The following KIF13A variants were observed in gnomAD, a reference collection of about 807,000 sequenced individuals.
KIF13A encodes the protein kinesin-like protein KIF13A.
A neutral mutation model predicts 212.2 loss-of-function variants in KIF13A; 79 were observed. The observed-to-expected ratio is 0.37, with a 90% confidence interval of 0.31 to 0.45. The LOEUF (loss-of-function observed/expected upper bound fraction) is 0.45, where lower values mean the gene tolerates loss of function less well. Ranked by LOEUF, KIF13A falls within the 20% of genes least tolerant of loss-of-function variation. The pLI is 1.00. For synonymous variants in KIF13A, 789 were observed against 808.6 expected (o/e 0.98, Z 0.41); for missense variants, 1,901 against 2,209.0 (o/e 0.86, Z 2.79).
intron 2 of KIF13A, among the ~76,000 whole-genome samples, chr6:17,910,602 A>T (rs1171657337): frequency 3.3e-5 from 5 of 152,230 alleles, no homozygotes; most frequent in Admixed American, 1.3e-4. Flanking sequence ...TTGTCAAAAA[A>T]TTTTTTAAAT....
chr6:17,929,472 C>T (rs1477336529), intron 2 of KIF13A, among the ~76,000 whole-genome samples: 1 of 150,956 alleles, frequency 6.6e-6, no homozygotes, highest in Non-Finnish European at 1.5e-5. Context: ...ACGATCTTGG[C>T]TCACTGCAAG....
intron 3 of KIF13A, among the ~76,000 whole-genome samples, chr6:17,879,970 T>A (rs879881226): frequency 1.2e-4 from 19 of 152,208 alleles, no homozygotes; most frequent in Non-Finnish European, 2.5e-4. Context: ...TCTAATTTTT[T>A]AAAAACTTTA....
chr6:17,880,397 C>T (rs900725873), intron 3 of KIF13A, among the ~76,000 whole-genome samples: 24 of 152,108 alleles, frequency 1.6e-4, no homozygotes, highest in African/African-American at 5.8e-4. Context: ...GAGGCCAAGG[C>T]GGGCGGATCA....
In KIF13A at chr6:17,912,282, T is replaced by C. The variant is rs1774144666; in HGVS notation, c.147-14102A>G. Among the ~76,000 whole-genome samples, 1 of 152,150 alleles carries C rather than the reference T, an allele frequency of 6.6e-6. No homozygotes were observed. The highest frequency in any genetic ancestry group is 2.4e-5 in the African/African-American group (1 of 41,408). On this transcript the variant is annotated intron_variant, in intron 2 of 38. Coordinates refer to ENST00000259711, the MANE Select transcript of KIF13A (RefSeq NM_022113.6). The surrounding 1 kb of genome is among the most constrained non-coding windows in gnomAD (Gnocchi z 4.2). The stretch of plus-strand genomic sequence containing the variant: ...TTAAAAAAAAAATACAAGCTTTCTT[T>C]TGCAACTGAGGTACCATCACTTGAT...
At chr6:17,874,907 G>T (rs886762223) in intron 3 of KIF13A, among the ~76,000 whole-genome samples, 12 of 123,878 alleles carry the variant, frequency 9.7e-5, no homozygotes, top group African/African-American at 3.1e-4. Flanking sequence ...TAGAACAATA[G>T]TCTCCAATCT....
chr6:17,932,398 G>A (rs1267693076), intron 2 of KIF13A, among the ~76,000 whole-genome samples: 2 of 152,144 alleles, frequency 1.3e-5, no homozygotes, highest in African/African-American at 4.8e-5. Flanking sequence ...ATTGCTGGCT[G>A]AATAAACAAG....
chr6:17,788,729 T>TC (rs1464771563), intron 26 of KIF13A, among the ~76,000 whole-genome samples: 1 of 151,498 alleles, frequency 6.6e-6, no homozygotes, highest in East Asian at 1.9e-4. Flanking sequence ...TGTACCCACA[T>TC]TTTTTTTTCC....
chr6:17,836,854 C>T (rs746225534), intron 11 of KIF13A, 24 bp downstream of exon 11: 5 of 1,606,072 alleles, frequency 3.1e-6, no homozygotes, highest in Non-Finnish European at 4.3e-6. Flanking sequence ...ACTTTACCAG[C>T]AGGGAGTACC....
Position 17,775,015 on chromosome 6 carries a change from CT to C in KIF13A, c.4217del (p.Lys1406ArgfsTer20). The C allele has an allele frequency of 6.2e-7, 1 of 1,610,412 alleles. No homozygotes were observed. Among genetic ancestry groups the C allele is most frequent in the Non-Finnish European group, 8.5e-7 (1 of 1,178,052 alleles). On this transcript the variant is annotated frameshift_variant and splice_region_variant, in exon 35 of 39. Transcript: ENST00000259711. LOFTEE classifies it high-confidence loss of function. The stretch of plus-strand genomic sequence containing the variant: ...CCTAGCCATGCCCATAGGTGCATAC[CT>C]TGTCATCTTCATCAAAGCCAGAAAG... ...PDLSGFDEDD[K>X]GWPENQLDMS...
At chr6:17,760,740 C>G, downstream of KIF13A, 1 of 1,042,984 alleles carries the variant, frequency 9.6e-7, no homozygotes, top group South Asian at 1.3e-5. Context: ...TCTCCAGCTT[C>G]TGGTCTGAGG....
chr6:17,874,482 C>T (rs535610911), intron 3 of KIF13A, among the ~76,000 whole-genome samples: 1 of 152,134 alleles, frequency 6.6e-6, no homozygotes, highest in East Asian at 1.9e-4. Flanking sequence ...GTTGCCCAGG[C>T]TGGAGTGCAG....
chr6:17,932,849 A>T (rs945036865), intron 2 of KIF13A, among the ~76,000 whole-genome samples: 3 of 151,916 alleles, frequency 2.0e-5, no homozygotes, highest in Non-Finnish European at 4.4e-5. Context: ...TCCCATGGAG[A>T]TTTTGCTTAA....
intron 4 of KIF13A, among the ~76,000 whole-genome samples, chr6:17,866,441 T>C (rs1769377560): frequency 6.6e-6 from 1 of 152,076 alleles, no homozygotes; most frequent in African/African-American, 2.4e-5. Context: ...GTAGAATCCA[T>C]AAAATTTTCA....
Position 17,895,626 on chromosome 6 carries a change from T to C in KIF13A, c.159+2542A>G, listed in dbSNP as rs892694305. 6.6e-6 allele frequency among the ~76,000 whole-genome samples: 1 copy of C among 152,230 alleles called. No individual in the cohort carries two copies. The highest frequency in any genetic ancestry group is 2.1e-4 in the South Asian group (1 of 4,838). On this transcript the variant is annotated intron_variant, in intron 3 of 38. Transcript: ENST00000259711. The surrounding 1 kb of genome is among the most constrained non-coding windows in gnomAD (Gnocchi z 4.4). The stretch of plus-strand genomic sequence containing the variant: ...GCAAGGACTCCACCTCTGGAAGGAC[T>C]TGAACTCCAGTACTTTGTCCTCCTC...
intron 3 of KIF13A, among the ~76,000 whole-genome samples, chr6:17,891,165 A>G (rs1772019055): frequency 6.6e-6 from 1 of 152,192 alleles, no homozygotes; most frequent in Non-Finnish European, 1.5e-5. Context: ...AAAGAAACAA[A>G]ACACACTTCC....
chr6:17,882,102 G>A (rs1338820468), intron 3 of KIF13A: 4 of 456,556 alleles, frequency 8.8e-6, no homozygotes, highest in Admixed American at 7.0e-5. Flanking sequence ...CCATAAAAAC[G>A]AGATGTGAAG....
intron 3 of KIF13A, among the ~76,000 whole-genome samples, chr6:17,885,527 G>A (rs542543147): frequency 6.6e-6 from 1 of 152,312 alleles, no homozygotes; most frequent in Admixed American, 6.5e-5. Context: ...CATCTACAAG[G>A]CATTGTCCCT....
chr6:17,826,139 G>A lies in KIF13A; in HGVS notation c.1533-15C>T, dbSNP rs1041639444. The A allele has an allele frequency of 5.6e-6, 9 of 1,604,886 alleles. No individual in the cohort carries two copies. Among genetic ancestry groups the A allele is most frequent in the Non-Finnish European group, 7.7e-6 (9 of 1,172,178 alleles). On this transcript the variant is annotated splice_polypyrimidine_tract_variant and intron_variant, in intron 14 of 38. Coordinates refer to ENST00000259711, the MANE Select transcript of KIF13A (RefSeq NM_022113.6). This position sits in a 1 kb window ranked among gnomAD's most constrained non-coding sequence, Gnocchi z 4.7. The stretch of plus-strand genomic sequence containing the variant: ...TCACACAGGACCTGGGAGAACACGA[G>A]GGAAAATACCAGGTAAATGGGAAGG...
In KIF13A at chr6:17,771,685, G is replaced by A; in HGVS notation, c.4476+223C>T. 2.3e-6 allele frequency: 1 copy of A among 442,262 alleles called. No homozygotes were observed. Among genetic ancestry groups the A allele is most frequent in the South Asian group, 6.5e-5 (1 of 15,466 alleles). The allele number at this position is 442,262 out of a possible 1,614,324, so 27.4% of individuals were successfully genotyped here. ...CACTTGAAACATAAAAAAATACTTTGAAAAGCCATAAACACAAAGAAATAA... is the reference window on the plus strand; with the variant it reads ...CACTTGAAACATAAAAAAATACTTTAAAAAGCCATAAACACAAAGAAATAA... On this transcript the variant is annotated intron_variant, in intron 37 of 38. Coordinates refer to ENST00000259711, the MANE Select transcript of KIF13A (RefSeq NM_022113.6). This position sits in a 1 kb window ranked among gnomAD's most constrained non-coding sequence, Gnocchi z 5.4.
Sources: gnomAD v4.1 joint callset for allele counts (sites outside exome capture counted in the v4.1 genomes callset) on GRCh38, gnomAD v4.1.1 for gene constraint, Gnocchi (gnomAD v3.1) non-coding constraint, MANE v1.5 for transcripts, NCBI Gene and HGNC (gene_info 2026-07-23, HGNC 2026-07-21) for gene names.